ZNF671: variants seen among roughly 807,000 people sequenced by gnomAD.
ZNF671 encodes the protein zinc finger protein 671.
In ZNF671, 19 loss-of-function variants were observed where a neutral mutation model predicts 16.6. That is an observed-to-expected ratio of 1.14 (90% CI 0.80 to 1.68). The LOEUF is 1.68. Among genes scored for constraint, ZNF671 ranks in the 40% most tolerant of loss-of-function variants. The probability of loss-of-function intolerance (pLI) is 0.00; values close to 1 mark genes in which losing one functional copy is unlikely to be tolerated. For synonymous variants in ZNF671, 238 were observed against 236.3 expected, an observed-to-expected ratio of 1.01 and a Z score of -0.06; for missense variants, 637 against 659.8, an observed-to-expected ratio of 0.97 and a Z score of 0.38.
At position 57,720,023 on chromosome 19, in the gene ZNF671, G is replaced by C. The variant is rs1393019924; in HGVS notation, c.*458C>G. 2 of 170,486 alleles carry C rather than the reference G, an allele frequency of 1.2e-5. No homozygotes were observed. The highest frequency in any genetic ancestry group is 4.8e-5 in the African/African-American group (2 of 42,100). The allele number at this position is 170,486 out of a possible 1,614,324, so 10.6% of individuals were successfully genotyped here. On this transcript the variant is annotated 3_prime_UTR_variant, in exon 4 of 4. Transcript: ENST00000317398. Reference sequence around the variant, plus strand: ...CACCTTTTAGGGACTGGGGAGAGAAGAGAGGTCTGCCCGTCACAAGCATGC... The same window carrying C: ...CACCTTTTAGGGACTGGGGAGAGAACAGAGGTCTGCCCGTCACAAGCATGC...
Position 57,721,679 on chromosome 19 carries a change from T to C in ZNF671, c.407A>G (p.Glu136Gly). 6.2e-7 allele frequency: 1 copy of C among 1,612,906 alleles called. No individual in the cohort carries two copies. The highest frequency in any genetic ancestry group is 8.5e-7 in the Non-Finnish European group (1 of 1,178,974). ...CTGCTCAGAAGATACCTCTTCATCC[T>C]CCACTCCATGCCAACAACCTGAAGA... ...GLRPGCWHGV[E>G]DEEVSSEQSI... is the part of the protein sequence containing the mutation. The change falls in exon 4 of 4, where the codon GAG becomes GGG. Residue 136 changes from glutamate (E) to glycine (G), a missense_variant. Transcript: ENST00000317398.
chr19:57,721,447 C>G lies in ZNF671; in HGVS notation c.639G>C (p.Gln213His). ...FSTDFDQHQN[Q>H]PNGGKLFPRK... Reference sequence around the variant, plus strand: ...TTGGGAAAAGTTTCCCTCCATTGGGCTGGTTCTGGTGCTGGTCAAAGTCTG... The same window carrying G: ...TTGGGAAAAGTTTCCCTCCATTGGGGTGGTTCTGGTGCTGGTCAAAGTCTG... Residue 213 changes from glutamine (Q) to histidine (H), a missense_variant, in exon 4 of 4, where the codon CAG becomes CAC. Physicochemically the swap from Gln to His is conservative, Grantham distance 24. Transcript: ENST00000317398. 6 of 1,614,224 alleles carry G rather than the reference C, an allele frequency of 3.7e-6. No homozygotes were observed. The highest frequency in any genetic ancestry group is 5.1e-6 in the Non-Finnish European group (6 of 1,180,042).
intron 3 of ZNF671, 166 bp downstream of exon 3, chr19:57,722,149 AG>A: frequency 8.9e-7 from 1 of 1,128,134 alleles, no homozygotes; most frequent in East Asian, 2.4e-5. Flanking sequence ...GAGGGTGGCA[AG>A]GGGCTAACAA....
chr19:57,723,604 A>G (rs1051552231), intron 1 of ZNF671, among the ~76,000 whole-genome samples: 10 of 152,080 alleles, frequency 6.6e-5, no homozygotes, highest in African/African-American at 2.4e-4. Context: ...CACAAATCCC[A>G]GGTATGAACC....
Position 57,721,536 on chromosome 19 carries a change from C to T in ZNF671, c.550G>A (p.Gly184Arg), listed in dbSNP as rs200021780. 20 of 1,614,210 alleles carry T rather than the reference C, an allele frequency of 1.2e-5. No homozygotes were observed. The highest frequency in any genetic ancestry group is 1.5e-5 in the Non-Finnish European group (18 of 1,180,036). The change falls in exon 4 of 4, where the codon GGG becomes AGG. Residue 184 changes from glycine (G) to arginine (R), a missense_variant. Coordinates refer to ENST00000317398, the MANE Select transcript of ZNF671 (RefSeq NM_024833.3). ...KDTLHLAKYH[G>R]GKARQKPYLC... ...TATGGTTTCTGCCTGGCTTTTCCCC[C>T]ATGGTATTTAGCCAGGTGTAAGGTA...
At chr19:57,724,755 G>C (rs773830004) in intron 1 of ZNF671, among the ~76,000 whole-genome samples, 3 of 152,080 alleles carry the variant, frequency 2.0e-5, no homozygotes, top group African/African-American at 4.8e-5. Context: ...TTGATCTCCT[G>C]ACCTCGTGAT....
chr19:57,727,620 G>C lies in ZNF671; in HGVS notation c.-92C>G. The stretch of plus-strand genomic sequence containing the variant: ...ACAGCCTGACAGAAACAAAATGTCC[G>C]CTACAAGGAGGAGCCGGAAGTCCCG... On this transcript the variant is annotated 5_prime_UTR_variant, in exon 1 of 4. Coordinates refer to ENST00000317398, the MANE Select transcript of ZNF671 (RefSeq NM_024833.3). 6.6e-7 allele frequency: 1 copy of C among 1,515,830 alleles called. No homozygotes were observed. The allele number at this position is 1,515,830 out of a possible 1,614,324, so 93.9% of individuals were successfully genotyped here.
intron 3 of ZNF671, 79 bp downstream of exon 3, chr19:57,722,237 C>T: frequency 6.4e-7 from 1 of 1,573,670 alleles, no homozygotes; most frequent in South Asian, 1.2e-5. Context: ...GCCCTGGAAA[C>T]AAACACTGAT....
At chr19:57,726,390 T>C (rs1275461577) in intron 1 of ZNF671, among the ~76,000 whole-genome samples, 1 of 151,598 alleles carries the variant, frequency 6.6e-6, no homozygotes, top group African/African-American at 2.4e-5. Flanking sequence ...ATAGTAGCAA[T>C]AGCACACCAC....
chr19:57,724,776 C>T (rs76689754), intron 1 of ZNF671, among the ~76,000 whole-genome samples: 24,741 of 152,116 alleles, frequency 0.16, 2,293 homozygotes, highest in East Asian at 0.37. Flanking sequence ...CCACCCGCCT[C>T]GGCCTCCCAA....
rs565939242 is a variant in ZNF671 at position 57,725,927 on chromosome 19, C to T, written c.138+1464G>A. Among the ~76,000 whole-genome samples, 451 of 148,640 alleles carry T rather than the reference C, an allele frequency of 3.0e-3. 4 individuals carry two copies. The highest frequency in any genetic ancestry group is 0.025 in the Middle Eastern group (7 of 282). On this transcript the variant is annotated intron_variant, in intron 1 of 3. Coordinates refer to ENST00000317398, the MANE Select transcript of ZNF671 (RefSeq NM_024833.3). ...CCAGCCTGGGTGACAGAGCGAGACT[C>T]GTCTCCAAAAAAAAAATAAATAAAT...
chr19:57,721,764 T>A (rs751020437), intron 3 of ZNF671, 67 bp from the exon 4 acceptor site: 20 of 1,545,184 alleles, frequency 1.3e-5, no homozygotes, highest in Non-Finnish European at 1.7e-5. Context: ...TCATTGTATA[T>A]GTGCATTTGA....
intron 2 of ZNF671, 36 bp from the exon 3 acceptor site, chr19:57,722,474 T>G: frequency 1.2e-6 from 2 of 1,609,252 alleles, no homozygotes; most frequent in Non-Finnish European, 1.7e-6. Context: ...CAGCCAGCAC[T>G]GGCCCATGGC....
chr19:57,722,894 CAA>C (rs900078030), intron 2 of ZNF671, among the ~76,000 whole-genome samples: 1 of 139,216 alleles, frequency 7.2e-6, no homozygotes, highest in African/African-American at 2.6e-5. Flanking sequence ...GACCCTGACT[CAA>C]AAAAAAAAAG....
chr19:57,723,929 A>G (rs1985964345), intron 1 of ZNF671, among the ~76,000 whole-genome samples: 1 of 151,302 alleles, frequency 6.6e-6, no homozygotes, highest in South Asian at 2.1e-4. Context: ...CTGTAGTCCC[A>G]GCTACTTGGG....
chr19:57,724,506 G>T (rs1985981576), intron 1 of ZNF671, among the ~76,000 whole-genome samples: 1 of 151,614 alleles, frequency 6.6e-6, no homozygotes, highest in Admixed American at 6.6e-5. Context: ...GGTCAGTGAG[G>T]CAGTCAGAAG....
intron 2 of ZNF671, 40 bp downstream of exon 2, chr19:57,723,174 A>G: frequency 6.4e-7 from 1 of 1,569,018 alleles, no homozygotes; most frequent in Non-Finnish European, 8.6e-7. Flanking sequence ...CACCATAGGA[A>G]GAACAGAGTG....
chr19:57,727,218 C>G (rs1261039662), intron 1 of ZNF671, 173 bp downstream of exon 1: 8 of 882,204 alleles, frequency 9.1e-6, no homozygotes, highest in Non-Finnish European at 1.3e-5. Context: ...GCAGCACCCC[C>G]GAGCCTTTAC....
chr19:57,722,572 G>A, intron 2 of ZNF671, 134 bp from the exon 3 acceptor site: 1 of 1,388,070 alleles, frequency 7.2e-7, no homozygotes. Context: ...AAGTGACTAT[G>A]TAAGTGCCTA....
Sources: gnomAD v4.1 joint callset for allele counts (sites outside exome capture counted in the v4.1 genomes callset) on GRCh38, gnomAD v4.1.1 for gene constraint, MANE v1.5 for transcripts, NCBI Gene and HGNC (gene_info 2026-07-23, HGNC 2026-07-21) for gene names.